The following PAH variants were observed in gnomAD, a reference collection of about 807,000 sequenced individuals.
PAH encodes phenylalanine-4-hydroxylase.
A neutral mutation model predicts 62.0 loss-of-function variants in PAH; 64 were observed. The observed-to-expected ratio is 1.03, with a 90% confidence interval of 0.84 to 1.27. The LOEUF (loss-of-function observed/expected upper bound fraction) is 1.27, where lower values mean the gene tolerates loss of function less well. Among genes scored for constraint, PAH ranks in the 50% most tolerant of loss-of-function variants. The pLI, the probability that PAH is intolerant of heterozygous loss-of-function variation, is 0.00. For synonymous variants in PAH, 195 were observed against 196.2 expected, an observed-to-expected ratio of 0.99 and a Z score of 0.05; for missense variants, 579 against 542.8, an observed-to-expected ratio of 1.07 and a Z score of -0.66.
rs199475589 is a variant in PAH at position 102,855,169 on chromosome 12, G to C, written c.673C>G (p.Pro225Ala). The C allele has an allele frequency of 2.5e-6, 4 of 1,614,138 alleles. No individual in the cohort carries two copies. Among genetic ancestry groups the C allele is most frequent in the Non-Finnish European group, 3.4e-6 (4 of 1,179,974 alleles). The change falls in exon 6 of 13, where the codon CCC (proline) becomes GCC (alanine). Residue 225 changes from proline (P) to alanine (A), a missense_variant. By Grantham distance (27) the Pro-to-Ala change is conservative. Coordinates refer to ENST00000553106, the MANE Select transcript of PAH (RefSeq NM_000277.3). ...KYCGFHEDNI[P>A]QLEDVSQFLQ... is the part of the protein sequence containing the mutation. ...AACTGAGAAACGTCTTCCAGCTGGG[G>C]AATGTTATCTTCATGGAAGCCACAG...
At position 102,894,397 on chromosome 12, in the gene PAH, T is replaced by C. The variant is rs185835712; in HGVS notation, c.352+338A>G. On this transcript the variant is annotated intron_variant, in intron 3 of 12. Transcript: ENST00000553106. ...TCAAAAGAAAAAAGAGAGAGAAAAA[T>C]AAAAATAAATAAAAATTAAAAGCTT... 2.5e-4 allele frequency among the ~76,000 whole-genome samples: 25 copies of C among 100,314 alleles called. No individual in the cohort carries two copies. The East Asian group carries it at 6.9e-3, about 28-fold the overall frequency. 65.8% of individuals were successfully genotyped at this position (100,314 alleles called of 152,430 possible).
rs970727107 is a variant in PAH, at chr12:102,858,339, A to G, written c.510-3007T>C. On this transcript the variant is annotated intron_variant, in intron 5 of 12. Transcript: ENST00000553106. ...AGATTCATAAAGCAAGTCGTTAGAG[A>G]CCTACAAAGAGACTTAGACTCCCAC... 1.4e-4 allele frequency among the ~76,000 whole-genome samples: 22 copies of G among 152,214 alleles called. 2 individuals carry two copies. Among genetic ancestry groups the G allele is most frequent in the Non-Finnish European group, 2.9e-5 (2 of 68,040 alleles).
At chr12:102,904,634 C>G (rs1877897566) in intron 2 of PAH, 2 of 308,214 alleles carry the variant, frequency 6.5e-6, no homozygotes, top group South Asian at 6.2e-5. Context: ...AAACACTGCT[C>G]TAAAGTATAG....
At chr12:102,911,723 C>T (rs1328155584) in intron 2 of PAH, among the ~76,000 whole-genome samples, 1 of 152,172 alleles carries the variant, frequency 6.6e-6, no homozygotes, top group Non-Finnish European at 1.5e-5. Context: ...TCCCCACCCA[C>T]AGTGCTGAGA....
chr12:102,866,441 A>C (rs74442768), intron 5 of PAH, among the ~76,000 whole-genome samples, 155 bp downstream of exon 5: 7,778 of 152,140 alleles, frequency 0.051, 223 homozygotes, highest in African/African-American at 0.063. Context: ...ACACACCCCC[A>C]CACACACATA....
chr12:102,930,177 C>T (rs17842949), intron 1 of PAH, among the ~76,000 whole-genome samples: 22,865 of 152,056 alleles, frequency 0.15, 1,787 homozygotes, highest in African/African-American at 0.16. Context: ...CTATCTGAGT[C>T]CAAGTTCAAT....
At chr12:102,868,983 G>A (rs1876187332) in intron 4 of PAH, among the ~76,000 whole-genome samples, 1 of 152,188 alleles carries the variant, frequency 6.6e-6, no homozygotes, top group Admixed American at 6.5e-5. Context: ...TGAAGAATAT[G>A]AAGCCCATGG....
At chr12:102,904,992 T>G (rs993512831) in intron 2 of PAH, among the ~76,000 whole-genome samples, 23 of 152,162 alleles carry the variant, frequency 1.5e-4, no homozygotes, top group African/African-American at 5.3e-4. Flanking sequence ...AGCTTTCTAC[T>G]CTCCCTAGTC....
intron 2 of PAH, chr12:102,904,645 T>C (rs1877898173): frequency 2.6e-6 from 1 of 386,358 alleles, no homozygotes; most frequent in South Asian, 2.1e-5. Flanking sequence ...TAAAGTATAG[T>C]CTAGATTATT....
intron 5 of PAH, among the ~76,000 whole-genome samples, chr12:102,855,684 G>A (rs1433393718): frequency 1.3e-5 from 2 of 152,118 alleles, no homozygotes; most frequent in Admixed American, 6.6e-5. Context: ...TCACAAAGCT[G>A]TAAAGTTGCA....
chr12:102,852,020 T>C, intron 7 of PAH: 1 of 489,082 alleles, frequency 2.0e-6, no homozygotes, highest in Non-Finnish European at 3.7e-6. Flanking sequence ...CCCAGTGGGG[T>C]ACCAGGCAGA....
intron 3 of PAH, among the ~76,000 whole-genome samples, chr12:102,885,478 A>G (rs2136689894): frequency 6.6e-6 from 1 of 152,272 alleles, no homozygotes; most frequent in East Asian, 1.9e-4. Context: ...TGACTTGGGC[A>G]GGCTGGGGCA....
At chr12:102,879,320 C>T (rs1271491941) in intron 3 of PAH, among the ~76,000 whole-genome samples, 1 of 151,700 alleles carries the variant, frequency 6.6e-6, no homozygotes, top group African/African-American at 2.4e-5. Context: ...TAAAACGTGA[C>T]TTTCAATCTG....
chr12:102,954,427 A>T (rs1197793670), upstream of PAH, among the ~76,000 whole-genome samples: 1 of 152,162 alleles, frequency 6.6e-6, no homozygotes, highest in Non-Finnish European at 1.5e-5. Flanking sequence ...TGTGAGCATG[A>T]CTTTCTTATT....
rs771057207 is a variant in PAH, at chr12:102,866,581, G to A, written c.509+15C>T. On this transcript the variant is annotated intron_variant, in intron 5 of 12. Transcript: ENST00000553106. ...TGTTTTTCTCTCTTCCCCTCAACAA[G>A]CAAGGCAGACTTACTGGCGGTAGTT... 1 of 1,608,126 alleles carries A rather than the reference G, an allele frequency of 6.2e-7. No individual in the cohort carries two copies. Among genetic ancestry groups the A allele is most frequent in the Non-Finnish European group, 8.5e-7 (1 of 1,174,584 alleles).
chr12:102,852,952 T>A lies in PAH; in HGVS notation c.707-2A>T. ...GTCGGAGGCGGAAACCAGTGCAAGC[T>A]GGGATGAAAAGAAGAAAGAAAACTC... On this transcript the variant is annotated splice_acceptor_variant, in intron 6 of 12. Coordinates refer to ENST00000553106, the MANE Select transcript of PAH (RefSeq NM_000277.3). LOFTEE classifies it high-confidence loss of function. 1 of 1,613,898 alleles carries A rather than the reference T, an allele frequency of 6.2e-7. No individual in the cohort carries two copies.
chr12:102,900,635 C>T (rs142665192), intron 2 of PAH, among the ~76,000 whole-genome samples: 3 of 152,214 alleles, frequency 2.0e-5, no homozygotes, highest in African/African-American at 7.2e-5. Flanking sequence ...TAAAAAATAA[C>T]CCTCCAGTTT....
chr12:102,934,873 G>T (rs1879041827), intron 1 of PAH, among the ~76,000 whole-genome samples: 1 of 152,078 alleles, frequency 6.6e-6, no homozygotes, highest in Admixed American at 6.6e-5. Flanking sequence ...AAGATAATTT[G>T]ACTTTCTCCT....
chr12:102,864,073 C>G (rs1329868531), intron 5 of PAH, among the ~76,000 whole-genome samples: 1 of 152,152 alleles, frequency 6.6e-6, no homozygotes, highest in East Asian at 1.9e-4. Flanking sequence ...TACCCCTGCC[C>G]TCATGGAGTC....
Sources: allele counts gnomAD v4.1 joint callset (sites outside exome capture counted in the v4.1 genomes callset), GRCh38; gene constraint gnomAD v4.1.1; transcripts MANE v1.5; gene names NCBI Gene and HGNC (gene_info 2026-07-23, HGNC 2026-07-21).